MACROD2: variants seen among roughly 807,000 people sequenced by gnomAD.
The protein encoded by MACROD2 is ADP-ribose glycohydrolase MACROD2.
A neutral mutation model predicts 70.4 loss-of-function variants in MACROD2; 36 were observed. The ratio of observed to expected loss-of-function variants is 0.51; its 90% CI spans 0.39 to 0.68. The LOEUF is 0.68. Ranked by LOEUF, MACROD2 falls within the 30% of genes least tolerant of loss-of-function variation. The pLI is 0.00. For missense variants in MACROD2, 496 were observed against 538.4 expected (o/e 0.92, Z 0.78); for synonymous variants, 172 against 178.8 (o/e 0.96, Z 0.30).
intron 8 of MACROD2, among the ~76,000 whole-genome samples, chr20:15,592,344 G>A (rs2048691476): frequency 6.6e-6 from 1 of 152,228 alleles, no homozygotes; most frequent in Non-Finnish European, 1.5e-5. Context: ...ACAGCCATCT[G>A]TTGTCTATTT....
At chr20:15,266,932 G>A (rs920725268) in intron 6 of MACROD2, among the ~76,000 whole-genome samples, 1 of 152,206 alleles carries the variant, frequency 6.6e-6, no homozygotes, top group African/African-American at 2.4e-5. Context: ...AGGGGCGCGG[G>A]GGGCATGAGA....
chr20:15,349,900 G>A (rs1247700661), intron 6 of MACROD2, among the ~76,000 whole-genome samples: 2 of 152,094 alleles, frequency 1.3e-5, no homozygotes, highest in African/African-American at 2.4e-5. Context: ...CATCTTGGCT[G>A]GAGCGAGATG....
chr20:14,949,651 C>G (rs2074459893), intron 5 of MACROD2, among the ~76,000 whole-genome samples: 1 of 152,158 alleles, frequency 6.6e-6, no homozygotes, highest in Non-Finnish European at 1.5e-5. Context: ...CTCATGGAAG[C>G]AAACATGAAC....
intron 5 of MACROD2, among the ~76,000 whole-genome samples, chr20:14,782,414 G>T (rs2072313012): frequency 6.6e-6 from 1 of 152,056 alleles, no homozygotes; most frequent in African/African-American, 2.4e-5. Flanking sequence ...AGTATATGTT[G>T]TCATTACTGA....
At chr20:14,673,483 G>A (rs1600524059) in intron 4 of MACROD2, among the ~76,000 whole-genome samples, 1 of 152,154 alleles carries the variant, frequency 6.6e-6, no homozygotes, top group East Asian at 1.9e-4. Flanking sequence ...CTGGGTATGG[G>A]AATCTGCATT....
At chr20:15,864,832 A>G (rs2064469968) in intron 9 of MACROD2, among the ~76,000 whole-genome samples, 1 of 152,190 alleles carries the variant, frequency 6.6e-6, no homozygotes, top group South Asian at 2.1e-4. Flanking sequence ...TAGGAAGTAC[A>G]TTTTAAACTA....
chr20:15,718,932 A>G (rs1280740608), intron 8 of MACROD2, among the ~76,000 whole-genome samples: 1 of 152,056 alleles, frequency 6.6e-6, no homozygotes, highest in African/African-American at 2.4e-5. Flanking sequence ...AAATGTTTTC[A>G]AAAGGCACTC....
chr20:15,887,863 A>G (rs1163802192), intron 10 of MACROD2, among the ~76,000 whole-genome samples: 1 of 152,152 alleles, frequency 6.6e-6, no homozygotes, highest in Admixed American at 6.6e-5. Context: ...TTCTTTTTTC[A>G]TACTAAGACT....
In MACROD2 at chr20:14,823,776, TTTTGTTTG is replaced by T. The variant is rs201067623; in HGVS notation, c.418+138836_418+138843del. 3.0e-4 allele frequency among the ~76,000 whole-genome samples: 45 copies of T among 152,134 alleles called. 1 individual carries two copies. The highest frequency in any genetic ancestry group is 5.5e-4 in the African/African-American group (23 of 41,516). ...AATCCCAAATATATTTGGTGGCTTTTTTTGTTTGTTTGTTTGTTTGTTTGTTGTTTTTT... is the reference window on the plus strand; with the variant it reads ...AATCCCAAATATATTTGGTGGCTTTTTTTGTTTGTTTGTTTGTTGTTTTTT... On this transcript the variant is annotated intron_variant, in intron 5 of 17. Coordinates refer to ENST00000684519, the MANE Select transcript of MACROD2 (RefSeq NM_001351661.2).
intron 3 of MACROD2, among the ~76,000 whole-genome samples, chr20:14,350,133 T>G (rs1400120170): frequency 2.0e-5 from 3 of 152,220 alleles, no homozygotes; most frequent in East Asian, 1.9e-4. Flanking sequence ...TATCTGCTGA[T>G]GAACTCTTAG....
chr20:14,874,326 A>C (rs953123011), intron 5 of MACROD2, among the ~76,000 whole-genome samples: 1 of 149,888 alleles, frequency 6.7e-6, no homozygotes, highest in African/African-American at 2.4e-5. Context: ...TTATTTATTG[A>C]GGTGCTGTCC....
chr20:15,068,276 T>C (rs1319493495), intron 5 of MACROD2, among the ~76,000 whole-genome samples: 2 of 152,214 alleles, frequency 1.3e-5, no homozygotes, highest in African/African-American at 4.8e-5. Context: ...TTCTAAAATA[T>C]ATCACATGAC....
In MACROD2 at chr20:15,899,084, C is replaced by G. The variant is rs150615274; in HGVS notation, c.775+13273C>G. Reference sequence around the variant, plus strand: ...CATATATGTGTGTGCACATATATATCTGTAGGTGTGTGCTATCTATATGTA... The same window carrying G: ...CATATATGTGTGTGCACATATATATGTGTAGGTGTGTGCTATCTATATGTA... On this transcript the variant is annotated intron_variant, in intron 10 of 17. Transcript: ENST00000684519. 5.8e-3 allele frequency among the ~76,000 whole-genome samples: 883 copies of G among 151,366 alleles called. 3 individuals are homozygous for G. The highest frequency in any genetic ancestry group is 0.03 in the South Asian group (141 of 4,772).
intron 5 of MACROD2, among the ~76,000 whole-genome samples, chr20:14,806,612 G>T (rs992776974): frequency 2.0e-5 from 3 of 152,200 alleles, no homozygotes; most frequent in Admixed American, 2.0e-4. Flanking sequence ...CCCTGGAAAG[G>T]GGGCTGAAGC....
intron 3 of MACROD2, among the ~76,000 whole-genome samples, chr20:14,477,995 C>A (rs2084617714): frequency 6.6e-6 from 1 of 152,060 alleles, no homozygotes; most frequent in Non-Finnish European, 1.5e-5. Flanking sequence ...ATTACCCACT[C>A]CCATGATTAT....
chr20:14,576,634 A>G (rs1287822272), intron 4 of MACROD2, among the ~76,000 whole-genome samples: 3 of 152,188 alleles, frequency 2.0e-5, no homozygotes, highest in African/African-American at 7.2e-5. Context: ...CATGGATCCA[A>G]CGTAAATGTG....
intron 3 of MACROD2, among the ~76,000 whole-genome samples, chr20:14,347,415 A>G (rs1568570864): frequency 1.3e-5 from 2 of 152,212 alleles, no homozygotes; most frequent in Non-Finnish European, 2.9e-5. Flanking sequence ...AAATAATAAT[A>G]TCGATGTAAT....
chr20:14,236,312 A>C (rs181369775), intron 3 of MACROD2, among the ~76,000 whole-genome samples: 4 of 152,270 alleles, frequency 2.6e-5, no homozygotes, highest in Non-Finnish European at 5.9e-5. Context: ...TGTGCAGTAG[A>C]ACTTTTCCAG....
At chr20:15,647,086 A>G (rs1269885159) in intron 8 of MACROD2, among the ~76,000 whole-genome samples, 9 of 152,220 alleles carry the variant, frequency 5.9e-5, no homozygotes, top group African/African-American at 1.9e-4. Context: ...AAAGTTCTAA[A>G]TGAATGCGTA....
Sources: gnomAD v4.1 joint callset for allele counts (sites outside exome capture counted in the v4.1 genomes callset) on GRCh38, gnomAD v4.1.1 for gene constraint, MANE v1.5 for transcripts, NCBI Gene and HGNC (gene_info 2026-07-23, HGNC 2026-07-21) for gene names.